Variants in FOCAD observed in about 807,000 individuals in gnomAD.
The protein encoded by FOCAD is KIAA1797.
FOCAD carries 198 observed loss-of-function variants against 225.6 expected under a neutral mutation model. That is an observed-to-expected ratio of 0.88 (90% CI 0.78 to 0.99). The LOEUF is 0.99. Among genes scored for constraint, FOCAD ranks in the 50% least tolerant of loss-of-function variants. The pLI, the probability that FOCAD is intolerant of heterozygous loss-of-function variation, is 0.00. For missense variants in FOCAD, 2,713 were observed against 2,123.6 expected, an observed-to-expected ratio of 1.28 and a Z score of -5.46; for synonymous variants, 897 against 755.0, an observed-to-expected ratio of 1.19 and a Z score of -3.08.
At chr9:20,803,871 C>G (rs771325414) in intron 11 of FOCAD, among the ~76,000 whole-genome samples, 3 of 152,074 alleles carry the variant, frequency 2.0e-5, no homozygotes, top group Non-Finnish European at 4.4e-5. Flanking sequence ...AGAAGTCAAG[C>G]CTAGCAGCAT....
At chr9:20,772,025 A>C (rs1196662620) in intron 8 of FOCAD, among the ~76,000 whole-genome samples, 1 of 152,212 alleles carries the variant, frequency 6.6e-6, no homozygotes, top group Non-Finnish European at 1.5e-5. Context: ...TTTAACAAAT[A>C]CATTTTGAGA....
chr9:20,783,516 C>CTATT (rs1819612895), intron 10 of FOCAD, among the ~76,000 whole-genome samples: 1 of 151,968 alleles, frequency 6.6e-6, no homozygotes, highest in Non-Finnish European at 1.5e-5. Flanking sequence ...GCTGCCTGAA[C>CTATT]TATTCATCCT....
rs200653278 is a variant in FOCAD at position 20,781,811 on chromosome 9, C to G, written c.1079C>G (p.Ser360Cys). 1.9e-6 allele frequency: 3 copies of G among 1,614,018 alleles called. No individual in the cohort carries two copies. Among genetic ancestry groups the G allele is most frequent in the Non-Finnish European group, 1.7e-6 (2 of 1,179,992 alleles). Residue 360 changes from serine to cysteine, a missense_variant, in exon 10 of 44, where the codon TCT (serine) becomes TGT (cysteine). Coordinates refer to ENST00000338382, the MANE Select transcript of FOCAD (RefSeq NM_001375567.1). ...GTGATGCCAATTCTGCAGATACTATCTTCTACTGCCTTGGAAGACTGTATA... is the reference window on the plus strand; with the variant it reads ...GTGATGCCAATTCTGCAGATACTATGTTCTACTGCCTTGGAAGACTGTATA... ...LLVMPILQILSSTALEDCISV... is the reference protein window; with the variant it reads ...LLVMPILQILCSTALEDCISV...
At chr9:20,697,994 T>A (rs1823515829) in intron 1 of FOCAD, among the ~76,000 whole-genome samples, 2 of 152,262 alleles carry the variant, frequency 1.3e-5, no homozygotes, top group South Asian at 2.1e-4. Flanking sequence ...TAGTTCTTAA[T>A]AAGTGGTATA....
chr9:20,926,338 C>G lies in FOCAD; in HGVS notation c.2999C>G (p.Ser1000Cys). Residue 1000 changes from serine (S) to cysteine (C), a missense_variant, in exon 26 of 44, where the codon TCC becomes TGC. Ser to Cys is a moderately radical substitution (Grantham distance 112, BLOSUM62 -1). Transcript: ENST00000338382. ...PNFLSMKEWV[S>C]MVLDTLLVIV... is the part of the protein sequence containing the mutation. The stretch of plus-strand genomic sequence containing the variant: ...TTCCTTTCAATGAAAGAGTGGGTTT[C>G]CATGGTACTTGATACACTCTTGGTC... 6.2e-7 allele frequency: 1 copy of G among 1,613,148 alleles called. No individual in the cohort carries two copies. The highest frequency in any genetic ancestry group is 8.5e-7 in the Non-Finnish European group (1 of 1,179,262).
chr9:20,707,267 T>C (rs1271318823), intron 1 of FOCAD, among the ~76,000 whole-genome samples: 2 of 152,338 alleles, frequency 1.3e-5, no homozygotes, highest in East Asian at 3.9e-4. Context: ...AAAAGTATTT[T>C]CTACTCTGGG....
chr9:20,905,837 C>T (rs1832909201), intron 21 of FOCAD, among the ~76,000 whole-genome samples: 1 of 151,960 alleles, frequency 6.6e-6, no homozygotes, highest in Non-Finnish European at 1.5e-5. Context: ...GCTGCCCTCA[C>T]CCTGCTCGTT....
chr9:20,844,672 T>C (rs1360169357), intron 15 of FOCAD, among the ~76,000 whole-genome samples: 1 of 152,014 alleles, frequency 6.6e-6, no homozygotes, highest in East Asian at 1.9e-4. Context: ...CATCTAACCA[T>C]TGATGGTACA....
intron 15 of FOCAD, among the ~76,000 whole-genome samples, chr9:20,845,446 T>G (rs967022869): frequency 6.9e-6 from 1 of 145,212 alleles, no homozygotes; most frequent in Non-Finnish European, 1.5e-5. Context: ...TTCCTCGATA[T>G]ATATATATAT....
At chr9:20,749,855 T>G (rs1246684322) in intron 5 of FOCAD, among the ~76,000 whole-genome samples, 65 of 152,168 alleles carry the variant, frequency 4.3e-4, no homozygotes, top group Non-Finnish European at 4.4e-5. Flanking sequence ...ACTATTTTTT[T>G]TAACCCCCTC....
intron 24 of FOCAD, among the ~76,000 whole-genome samples, chr9:20,922,912 G>A (rs780994591): frequency 8.3e-4 from 126 of 152,000 alleles, no homozygotes; most frequent in Admixed American, 2.4e-3. Flanking sequence ...TTTTCAAGTG[G>A]TAAGTATATT....
At chr9:20,941,983 A>G (rs959660634) in intron 28 of FOCAD, among the ~76,000 whole-genome samples, 7 of 152,228 alleles carry the variant, frequency 4.6e-5, no homozygotes, top group Non-Finnish European at 8.8e-5. Context: ...ATTAAAATAT[A>G]GAAGATTTAG....
At chr9:20,801,889 C>G (rs1056172440) in intron 11 of FOCAD, among the ~76,000 whole-genome samples, 2 of 152,080 alleles carry the variant, frequency 1.3e-5, no homozygotes, top group Non-Finnish European at 2.9e-5. Flanking sequence ...AGTTGGACAC[C>G]TGTGTTAACT....
At chr9:20,882,216 T>C (rs531266460) in intron 20 of FOCAD, among the ~76,000 whole-genome samples, 160 bp downstream of exon 20, 2 of 152,298 alleles carry the variant, frequency 1.3e-5, no homozygotes, top group South Asian at 4.1e-4. Context: ...ATCGCAGAAC[T>C]GTAGAAGCAA....
In FOCAD at chr9:20,923,773, G is replaced by A. The variant is rs1171638464; in HGVS notation, c.2961+5G>A. On this transcript the variant is annotated splice_donor_5th_base_variant and intron_variant, in intron 25 of 43. Transcript: ENST00000338382. ...GACTCTGACGGGCTCCTGGAGGTTA[G>A]TTGGGGTGATTTAAACAATTGGCTT... 2 of 1,607,742 alleles carry A rather than the reference G, an allele frequency of 1.2e-6. No individual in the cohort carries two copies. Among genetic ancestry groups the A allele is most frequent in the Non-Finnish European group, 1.7e-6 (2 of 1,174,658 alleles).
intron 2 of FOCAD, among the ~76,000 whole-genome samples, chr9:20,660,494 G>A (rs1379291772): frequency 6.6e-6 from 1 of 151,814 alleles, no homozygotes; most frequent in Non-Finnish European, 1.5e-5. Flanking sequence ...AAAATATTCA[G>A]ATCCCTTAGA....
chr9:20,748,596 A>G (rs1218112636), intron 5 of FOCAD, among the ~76,000 whole-genome samples: 2 of 152,182 alleles, frequency 1.3e-5, no homozygotes, highest in African/African-American at 2.4e-5. Flanking sequence ...TCACTCCTGA[A>G]AAAGCCCAAT....
At chr9:20,765,837 A>C (rs1415446282) in intron 7 of FOCAD, among the ~76,000 whole-genome samples, 1 of 152,210 alleles carries the variant, frequency 6.6e-6, no homozygotes, top group Non-Finnish European at 1.5e-5. Flanking sequence ...CTGGAATCGC[A>C]GCACCATGCT....
At chr9:20,689,201 A>G (rs1822834700) in intron 1 of FOCAD, among the ~76,000 whole-genome samples, 1 of 152,160 alleles carries the variant, frequency 6.6e-6, no homozygotes, top group Non-Finnish European at 1.5e-5. Flanking sequence ...GGAATTTAAG[A>G]TTTTTAGGGT....
Sources: allele counts gnomAD v4.1 joint callset (sites outside exome capture counted in the v4.1 genomes callset), GRCh38; gene constraint gnomAD v4.1.1; transcripts MANE v1.5; gene names NCBI Gene and HGNC (gene_info 2026-07-23, HGNC 2026-07-21).